UNC5C: variants seen among roughly 807,000 people sequenced by gnomAD.
The protein encoded by UNC5C is netrin receptor UNC5C.
Under a neutral mutation model 99.8 loss-of-function variants are expected in UNC5C, and 47 were observed. The observed-to-expected ratio is 0.47, with a 90% CI of 0.37 to 0.60. UNC5C has a LOEUF of 0.60. Among genes scored for constraint, UNC5C ranks in the 20% least tolerant of loss-of-function variants. The pLI, the probability that UNC5C is intolerant of heterozygous loss-of-function variation, is 0.00. For synonymous variants in UNC5C, 487 were observed against 452.2 expected (o/e 1.08, Z -0.98); for missense variants, 1,062 against 1,165.9 (o/e 0.91, Z 1.30).
chr4:95,208,359 C>G (rs970667017), intron 10 of UNC5C, among the ~76,000 whole-genome samples: 1 of 152,180 alleles, frequency 6.6e-6, no homozygotes, highest in African/African-American at 2.4e-5. Flanking sequence ...ACTAACCACT[C>G]TAAGTATTCC....
At chr4:95,469,074 G>A (rs778557999) in intron 1 of UNC5C, among the ~76,000 whole-genome samples, 4 of 152,026 alleles carry the variant, frequency 2.6e-5, no homozygotes, top group Non-Finnish European at 4.4e-5. Context: ...CTGCATTTGC[G>A]TGAAAAACTG....
In UNC5C at chr4:95,202,734, C is replaced by A. The variant is rs750220943; in HGVS notation, c.2133G>T (p.Leu711=). ...AGGCTAGGTGGGAGGCACTTACCTTCAGGGCATCCTGGGTGTCATCCAGAC... is the reference window on the plus strand; with the variant it reads ...AGGCTAGGTGGGAGGCACTTACCTTAAGGGCATCCTGGGTGTCATCCAGAC... ...VYCLDDTQDA[L]KEILHLERQM... The change falls in exon 12 of 16, where the codon CTG becomes CTT. Residue 711 remains leucine, a synonymous_variant. Transcript: ENST00000453304. 1 of 1,613,890 alleles carries A rather than the reference C, an allele frequency of 6.2e-7. No individual in the cohort carries two copies. Among genetic ancestry groups the A allele is most frequent in the Non-Finnish European group, 8.5e-7 (1 of 1,179,864 alleles).
At chr4:95,344,307 GA>G (rs796151452) in intron 1 of UNC5C, among the ~76,000 whole-genome samples, 133 of 151,446 alleles carry the variant, frequency 8.8e-4, no homozygotes, top group African/African-American at 2.3e-3. Context: ...AGTGCTGAAG[GA>G]AAAAAAATCT....
At chr4:95,430,558 A>G (rs1479472348) in intron 1 of UNC5C, among the ~76,000 whole-genome samples, 1 of 152,148 alleles carries the variant, frequency 6.6e-6, no homozygotes, top group African/African-American at 2.4e-5. Flanking sequence ...TCTTTGTCAC[A>G]TGACATTGTC....
intron 1 of UNC5C, among the ~76,000 whole-genome samples, chr4:95,474,352 G>A (rs1748065314): frequency 6.6e-6 from 1 of 152,066 alleles, no homozygotes; most frequent in African/African-American, 2.4e-5. Context: ...GTACAGTGGT[G>A]CAATCTCTGC....
intron 1 of UNC5C, among the ~76,000 whole-genome samples, chr4:95,497,695 A>T (rs2149483385): frequency 6.6e-6 from 1 of 152,132 alleles, no homozygotes; most frequent in Admixed American, 6.6e-5. Flanking sequence ...TGACCATTTG[A>T]TCCATTTATT....
chr4:95,292,350 A>T (rs1308764145), intron 3 of UNC5C, among the ~76,000 whole-genome samples: 2 of 150,718 alleles, frequency 1.3e-5, no homozygotes, highest in East Asian at 3.9e-4. Flanking sequence ...GCTCACCGCA[A>T]GCTCTGCCTC....
At chr4:95,543,911 G>A (rs1354721853) in intron 1 of UNC5C, among the ~76,000 whole-genome samples, 2 of 152,114 alleles carry the variant, frequency 1.3e-5, no homozygotes, top group African/African-American at 4.8e-5. Flanking sequence ...CTCTGTCCAG[G>A]AGTTTACAAT....
intron 3 of UNC5C, among the ~76,000 whole-genome samples, chr4:95,300,292 C>T (rs1305389326): frequency 6.6e-6 from 1 of 152,204 alleles, no homozygotes; most frequent in Admixed American, 6.5e-5. Flanking sequence ...GTGGTGATAA[C>T]ATGCATATTA....
intron 1 of UNC5C, 58 bp downstream of exon 1, chr4:95,548,676 G>A: frequency 1.3e-6 from 2 of 1,579,266 alleles, no homozygotes; most frequent in East Asian, 4.6e-5. Flanking sequence ...AGGAGGAGAG[G>A]AAGGAGGGAA....
At chr4:95,427,263 A>G (rs937038568) in intron 1 of UNC5C, among the ~76,000 whole-genome samples, 3 of 152,206 alleles carry the variant, frequency 2.0e-5, no homozygotes, top group African/African-American at 7.2e-5. Flanking sequence ...TTCCTGGTCA[A>G]GATGCTGTGA....
chr4:95,413,460 C>G (rs1470536743), intron 1 of UNC5C, among the ~76,000 whole-genome samples: 1 of 152,190 alleles, frequency 6.6e-6, no homozygotes, highest in African/African-American at 2.4e-5. Flanking sequence ...ATTCATCAAG[C>G]TCATCATCCA....
At chr4:95,170,967 C>T (rs1736075143) in intron 14 of UNC5C, among the ~76,000 whole-genome samples, 2 of 152,202 alleles carry the variant, frequency 1.3e-5, no homozygotes. Flanking sequence ...ATGGCATCCT[C>T]CAATTGCTGT....
At chr4:95,171,753 C>G (rs1232174994) in intron 14 of UNC5C, among the ~76,000 whole-genome samples, 6 of 151,538 alleles carry the variant, frequency 4.0e-5, no homozygotes, top group African/African-American at 9.7e-5. Context: ...GGTATATACC[C>G]AGTAATGGGA....
intron 7 of UNC5C, among the ~76,000 whole-genome samples, chr4:95,225,781 T>C (rs1738663105): frequency 6.6e-6 from 1 of 152,168 alleles, no homozygotes; most frequent in Admixed American, 6.5e-5. Context: ...CACCAAAGGT[T>C]TGACACTCCA....
intron 1 of UNC5C, among the ~76,000 whole-genome samples, chr4:95,531,757 A>G (rs1036219733): frequency 2.0e-5 from 3 of 152,228 alleles, no homozygotes; most frequent in African/African-American, 7.2e-5. Context: ...CCCTGTTCCT[A>G]TAGGCATCCT....
At chr4:95,304,878 T>C (rs574007430) in intron 2 of UNC5C, among the ~76,000 whole-genome samples, 1 of 152,324 alleles carries the variant, frequency 6.6e-6, no homozygotes, top group Admixed American at 6.5e-5. Flanking sequence ...CTTAAAGCAA[T>C]TACAGGAAGC....
chr4:95,446,275 A>G (rs1261450358), intron 1 of UNC5C, among the ~76,000 whole-genome samples: 1 of 152,198 alleles, frequency 6.6e-6, no homozygotes, highest in African/African-American at 2.4e-5. Flanking sequence ...TAGGAAAAAA[A>G]AAATCTACAA....
chr4:95,440,814 C>T (rs1345105449), intron 1 of UNC5C, among the ~76,000 whole-genome samples: 1 of 152,190 alleles, frequency 6.6e-6, no homozygotes, highest in African/African-American at 2.4e-5. Flanking sequence ...ATAGCTCTAA[C>T]ATGCTTTTCT....
Sources: allele counts gnomAD v4.1 joint callset (sites outside exome capture counted in the v4.1 genomes callset), GRCh38; gene constraint gnomAD v4.1.1; transcripts MANE v1.5; gene names NCBI Gene and HGNC (gene_info 2026-07-23, HGNC 2026-07-21).